The following KIF9 variants were observed in gnomAD, a reference collection of about 807,000 sequenced individuals.
KIF9 encodes kinesin-like protein KIF9.
In KIF9, 68 loss-of-function variants were observed where a neutral mutation model predicts 94.8. That is an observed-to-expected ratio of 0.72 (90% confidence interval 0.59 to 0.88). KIF9 has a LOEUF of 0.88. Ranked by LOEUF, KIF9 falls within the 40% of genes least tolerant of loss-of-function variation. KIF9 has a pLI of 0.00. For missense variants in KIF9, 882 were observed against 982.5 expected, an observed-to-expected ratio of 0.90 and a Z score of 1.37; for synonymous variants, 343 against 362.1, an observed-to-expected ratio of 0.95 and a Z score of 0.60.
At chr3:47,269,816 G>A (rs559041960) in intron 5 of KIF9, among the ~76,000 whole-genome samples, 31 of 109,728 alleles carry the variant, frequency 2.8e-4, no homozygotes, top group African/African-American at 1.1e-3. Flanking sequence ...TCCCTCTGTC[G>A]CCAGGCTGGA....
intron 13 of KIF9, 115 bp from the exon 14 acceptor site, chr3:47,245,626 A>T: frequency 1.3e-6 from 1 of 759,728 alleles, no homozygotes; most frequent in South Asian, 1.4e-5. Flanking sequence ...GTGTGGGGCC[A>T]CACCTTCATC....
chr3:47,247,567 G>C, intron 11 of KIF9, 90 bp from the exon 12 acceptor site: 1 of 1,021,036 alleles, frequency 9.8e-7, no homozygotes, highest in Non-Finnish European at 1.5e-6. Context: ...GCAAAGTGGG[G>C]AGGCTGGGCA....
intron 14 of KIF9, 111 bp downstream of exon 14, chr3:47,245,310 T>C (rs572797180): frequency 2.4e-5 from 20 of 832,054 alleles, no homozygotes; most frequent in Non-Finnish European, 4.0e-5. Flanking sequence ...GTTACCTTTA[T>C]CTGTTGCAAT....
chr3:47,231,330 G>T (rs543477757), intron 20 of KIF9, among the ~76,000 whole-genome samples: 1 of 150,950 alleles, frequency 6.6e-6, no homozygotes, highest in Admixed American at 6.6e-5. Context: ...CCCAAGTGTG[G>T]TCCTGGACTA....
At chr3:47,277,416 T>C (rs138772819) in intron 1 of KIF9, 37 bp from the exon 2 acceptor site, 2 of 1,392,374 alleles carry the variant, frequency 1.4e-6, no homozygotes, top group African/African-American at 2.8e-5. Flanking sequence ...TGAGTAGTCA[T>C]TATCAAATAA....
chr3:47,234,675 C>T (rs566832952), intron 20 of KIF9, among the ~76,000 whole-genome samples: 62 of 151,472 alleles, frequency 4.1e-4, no homozygotes, highest in Non-Finnish European at 7.9e-4. Context: ...CTGCCTCAGC[C>T]TCTTGAGTAG....
intron 17 of KIF9, 109 bp from the exon 18 acceptor site, chr3:47,236,728 G>C: frequency 1.0e-6 from 1 of 953,302 alleles, no homozygotes; most frequent in Non-Finnish European, 1.6e-6. Flanking sequence ...GAAGACAGGA[G>C]ACCACAGGCA....
intron 5 of KIF9, among the ~76,000 whole-genome samples, chr3:47,269,726 C>T (rs968098227): frequency 7.4e-5 from 11 of 148,682 alleles, no homozygotes; most frequent in Non-Finnish European, 1.6e-4. Context: ...CTCAGCCCCC[C>T]GAGTAGCTGG....
Position 47,245,446 on chromosome 3 carries a change from A to G in KIF9, c.1355T>C (p.Phe452Ser). ...CTTCTGGATAGCAGAAATGGCTGCA[A>G]AGTCATTCCTGTCAATGAGGGTGTA... ...RKYTLIDRND[F>S]AAISAIQKAG... Residue 452 changes from phenylalanine (F) to serine (S), a missense_variant, in exon 14 of 21, where the codon TTT (phenylalanine) becomes TCT (serine). Physicochemically the swap from Phe to Ser is radical, Grantham distance 155. Coordinates refer to ENST00000684063, the MANE Select transcript of KIF9 (RefSeq NM_182902.4). 1 of 1,613,990 alleles carries G rather than the reference A, an allele frequency of 6.2e-7. No individual in the cohort carries two copies. Among genetic ancestry groups the G allele is most frequent in the Non-Finnish European group, 8.5e-7 (1 of 1,179,902 alleles).
chr3:47,260,966 C>T (rs753126456), intron 9 of KIF9, among the ~76,000 whole-genome samples: 2 of 152,180 alleles, frequency 1.3e-5, no homozygotes, highest in Non-Finnish European at 2.9e-5. Flanking sequence ...GGAGGAGGCT[C>T]AGTGGTACTG....
rs751869238 is a variant in KIF9 at position 47,267,285 on chromosome 3, G to C, written c.592-22C>G. ...CACCCTGAAGAGGAAGGGAATCATAGGCAACATTTCGAAAAACTAAAACGA... is the reference window on the plus strand; with the variant it reads ...CACCCTGAAGAGGAAGGGAATCATACGCAACATTTCGAAAAACTAAAACGA... On this transcript the variant is annotated intron_variant, in intron 5 of 20. Coordinates refer to ENST00000684063, the MANE Select transcript of KIF9 (RefSeq NM_182902.4). 1.9e-6 allele frequency: 3 copies of C among 1,572,324 alleles called. No homozygotes were observed. The South Asian group carries it at 3.3e-5, about 17-fold the overall frequency.
chr3:47,231,903 G>T (rs1034948102), intron 20 of KIF9: 3 of 152,210 alleles, frequency 2.0e-5, no homozygotes, highest in African/African-American at 7.2e-5. Flanking sequence ...CGTAAAGAGT[G>T]AATTCAACTA....
chr3:47,229,521 A>G (rs924126712), intron 20 of KIF9, among the ~76,000 whole-genome samples: 1 of 152,226 alleles, frequency 6.6e-6, no homozygotes, highest in African/African-American at 2.4e-5. Flanking sequence ...AATCTGATCT[A>G]TATGTTTCCT....
chr3:47,266,975 C>T lies in KIF9; in HGVS notation c.768+1G>A, dbSNP rs993709427. 5 of 1,611,870 alleles carry T rather than the reference C, an allele frequency of 3.1e-6. No homozygotes were observed. Among genetic ancestry groups the T allele is most frequent in the African/African-American group, 2.7e-5 (2 of 74,794 alleles). ...AGCAACCTCCAGCCCCCATCACTTA[C>T]CCCAGACTTCCCCAGCCTCTCTGAG... is the stretch of plus-strand genomic sequence containing the variant. On this transcript the variant is annotated splice_donor_variant, in intron 7 of 20. Transcript: ENST00000684063. LOFTEE classifies it high-confidence loss of function.
chr3:47,278,218 C>G (rs1165907113), intron 1 of KIF9, among the ~76,000 whole-genome samples: 2 of 151,896 alleles, frequency 1.3e-5, no homozygotes, highest in East Asian at 1.9e-4. Context: ...ACTACAGGTG[C>G]GTACCACTGT....
intron 4 of KIF9, among the ~76,000 whole-genome samples, chr3:47,272,846 A>C (rs1337644965): frequency 2.0e-5 from 3 of 152,214 alleles, no homozygotes; most frequent in African/African-American, 7.2e-5. Context: ...TTGCTCCAAA[A>C]ACAGGAGCAT....
intron 1 of KIF9, among the ~76,000 whole-genome samples, chr3:47,281,915 G>A (rs551214408): frequency 6.6e-6 from 1 of 152,240 alleles, no homozygotes; most frequent in East Asian, 1.9e-4. Context: ...GTCCAGATGA[G>A]GGGCTGTCAT....
chr3:47,250,553 C>A, intron 10 of KIF9: 1 of 482,384 alleles, frequency 2.1e-6, no homozygotes, highest in Non-Finnish European at 4.2e-6. Flanking sequence ...AATGTCGTAA[C>A]AAGGTTCAAG....
intron 10 of KIF9, among the ~76,000 whole-genome samples, chr3:47,254,277 G>C (rs1441843398): frequency 6.6e-6 from 1 of 152,224 alleles, no homozygotes; most frequent in African/African-American, 2.4e-5. Context: ...GGCCAACATG[G>C]TGAAACCCTG....
Sources: allele counts gnomAD v4.1 joint callset (sites outside exome capture counted in the v4.1 genomes callset), GRCh38; gene constraint gnomAD v4.1.1; transcripts MANE v1.5; gene names NCBI Gene and HGNC (gene_info 2026-07-23, HGNC 2026-07-21).